FLRT2: variants seen among roughly 807,000 people sequenced by gnomAD.
FLRT2 encodes the protein leucine-rich repeat transmembrane protein FLRT2.
In FLRT2, 15 loss-of-function variants were observed where a neutral mutation model predicts 40.0. The ratio of observed to expected loss-of-function variants is 0.38; its 90% CI spans 0.25 to 0.58. FLRT2 has a LOEUF of 0.58. Ranked by LOEUF, FLRT2 falls within the 20% of genes least tolerant of loss-of-function variation. The pLI is 0.71. For synonymous variants in FLRT2, 380 were observed against 336.8 expected, an observed-to-expected ratio of 1.13 and a Z score of -1.41; for missense variants, 726 against 840.0, an observed-to-expected ratio of 0.86 and a Z score of 1.68.
At chr14:85,559,839 T>A (rs1793662501) in intron 1 of FLRT2, among the ~76,000 whole-genome samples, 1 of 152,114 alleles carries the variant, frequency 6.6e-6, no homozygotes, top group South Asian at 2.1e-4. Context: ...ATCTCTGATA[T>A]CCGGATCTCC....
In FLRT2 at chr14:85,593,668, A is replaced by T. The variant is rs559146861; in HGVS notation, c.-376-27471A>T. On this transcript the variant is annotated intron_variant, in intron 1 of 1. Transcript: ENST00000330753. Reference sequence around the variant, plus strand: ...CTACTGTTTCTTTTGGCTATTTAGCATTGTTCGTGTGACAGTTACCTGGGC... The same window carrying T: ...CTACTGTTTCTTTTGGCTATTTAGCTTTGTTCGTGTGACAGTTACCTGGGC... 1.7e-4 allele frequency among the ~76,000 whole-genome samples: 26 copies of T among 152,314 alleles called. 1 individual carries two copies. Among genetic ancestry groups the T allele is most frequent in the African/African-American group, 6.0e-4 (25 of 41,584 alleles).
chr14:85,587,437 T>C lies in FLRT2; in HGVS notation c.-376-33702T>C, dbSNP rs79194550. On this transcript the variant is annotated intron_variant, in intron 1 of 1. Coordinates refer to ENST00000330753, the MANE Select transcript of FLRT2 (RefSeq NM_013231.6). ...AGATTTTCCTGATTTGTTTTGTTTG[T>C]GCATTTGATGTATAATCTTGTGGTT... is the stretch of plus-strand genomic sequence containing the variant. Among the ~76,000 whole-genome samples the C allele has an allele frequency of 1.7e-3, 255 of 152,300 alleles. 1 individual carries two copies. The highest frequency in any genetic ancestry group is 5.8e-3 in the African/African-American group (239 of 41,552).
At chr14:85,551,304 T>C (rs1889604474) in intron 1 of FLRT2, among the ~76,000 whole-genome samples, 2 of 152,130 alleles carry the variant, frequency 1.3e-5, no homozygotes, top group Admixed American at 1.3e-4. Context: ...TGTGGGACCA[T>C]TTGATCATAA....
chr14:85,599,342 C>A (rs1892285602), intron 1 of FLRT2, among the ~76,000 whole-genome samples: 1 of 151,316 alleles, frequency 6.6e-6, no homozygotes, highest in African/African-American at 2.4e-5. Flanking sequence ...ATTTTGGCTG[C>A]TGCCTCTGTA....
intron 1 of FLRT2, among the ~76,000 whole-genome samples, chr14:85,602,445 C>T (rs370408780): frequency 1.8e-4 from 28 of 152,302 alleles, no homozygotes; most frequent in African/African-American, 5.1e-4. Flanking sequence ...TATTAAAGCA[C>T]GCTGGAGCTC....
Position 85,627,622 on chromosome 14 carries a change from G to A in FLRT2, c.*4125G>A, listed in dbSNP as rs1893745634. 1 of 166,898 alleles carries A rather than the reference G, an allele frequency of 6.0e-6. No individual in the cohort carries two copies. The highest frequency in any genetic ancestry group is 1.5e-5 in the Non-Finnish European group (1 of 68,088). 10.3% of individuals were successfully genotyped at this position (166,898 alleles called of 1,614,324 possible). A position where few individuals can be genotyped will look rare whatever the true frequency, so the allele number is the denominator to read the frequency against. The stretch of plus-strand genomic sequence containing the variant: ...CACAAACAGGGGCATTTGTAAAGGT[G>A]TCCCTGGAATGTAAGATTTATAATG... On this transcript the variant is annotated 3_prime_UTR_variant, in exon 2 of 2. Coordinates refer to ENST00000330753, the MANE Select transcript of FLRT2 (RefSeq NM_013231.6).
At position 85,653,279 on chromosome 14, in the gene FLRT2, T is replaced by A. The variant is rs989789971; in HGVS notation, c.*29782T>A. 2.0e-5 allele frequency: 3 copies of A among 152,130 alleles called. No individual in the cohort carries two copies. The highest frequency in any genetic ancestry group is 6.6e-5 in the Admixed American group (1 of 15,262). The allele number at this position is 152,130 out of a possible 1,614,324, so 9.4% of individuals were successfully genotyped here. ...CAAAATAGCTTTGCTAGGGAACAGA[T>A]GTAACTTGGAGAAGTACCAATTTTG... On this transcript the variant is annotated 3_prime_UTR_variant, in exon 2 of 2. Transcript: ENST00000330753.
chr14:85,541,901 C>G (rs1387577561), intron 1 of FLRT2, among the ~76,000 whole-genome samples: 1 of 152,178 alleles, frequency 6.6e-6, no homozygotes, highest in Non-Finnish European at 1.5e-5. Flanking sequence ...GACTATGACA[C>G]TGAGCTCAGT....
At position 85,647,935 on chromosome 14, in the gene FLRT2, A is replaced by C. The variant is rs1431300344; in HGVS notation, c.*24438A>C. The C allele has an allele frequency of 6.6e-6, 1 of 152,188 alleles. No individual in the cohort carries two copies. Among genetic ancestry groups the C allele is most frequent in the African/African-American group, 2.4e-5 (1 of 41,448 alleles). 9.4% of individuals were successfully genotyped at this position (152,188 alleles called of 1,614,324 possible). ...ACTGTGATCTTATGGCCAGTTGCAG[A>C]GTAAGAAATTAATAACTACTCCTGT... is the stretch of plus-strand genomic sequence containing the variant. On this transcript the variant is annotated 3_prime_UTR_variant, in exon 2 of 2. Coordinates refer to ENST00000330753, the MANE Select transcript of FLRT2 (RefSeq NM_013231.6).
intron 1 of FLRT2, among the ~76,000 whole-genome samples, chr14:85,620,646 T>A (rs1893340626): frequency 1.3e-5 from 2 of 152,226 alleles, no homozygotes; most frequent in South Asian, 4.1e-4. Flanking sequence ...TCTTTTTAAG[T>A]GACTTTATTA....
At chr14:85,602,768 T>C (rs1205287729) in intron 1 of FLRT2, among the ~76,000 whole-genome samples, 3 of 152,184 alleles carry the variant, frequency 2.0e-5, no homozygotes, top group African/African-American at 7.2e-5. Context: ...CTTTGATGCA[T>C]GTGAATTCTT....
At chr14:85,602,298 C>T (rs1892410923) in intron 1 of FLRT2, among the ~76,000 whole-genome samples, 1 of 152,176 alleles carries the variant, frequency 6.6e-6, no homozygotes, top group Admixed American at 6.5e-5. Flanking sequence ...CTCAAAGTAA[C>T]CATTTTGCTA....
chr14:85,560,649 A>T (rs1474426971), intron 1 of FLRT2, among the ~76,000 whole-genome samples: 1 of 151,898 alleles, frequency 6.6e-6, no homozygotes, highest in East Asian at 1.9e-4. Context: ...ATCACAAAAA[A>T]GGGCTGGCTC....
In FLRT2 at chr14:85,623,109, C is replaced by A; in HGVS notation, c.1595C>A (p.Thr532Lys). Residue 532 changes from threonine to lysine, a missense_variant, in exon 2 of 2, where the codon ACG (threonine) becomes AAG (lysine). Physicochemically the swap from Thr to Lys is moderately conservative, Grantham distance 78. Coordinates refer to ENST00000330753, the MANE Select transcript of FLRT2 (RefSeq NM_013231.6). ...GSNTASSHEQ[T>K]TSHSMGSPFL... is the part of the protein sequence containing the mutation. ...AACACAGCGTCCAGCCATGAGCAGACGACGTCCCACAGCATGGGCTCCCCC... is the reference window on the plus strand; with the variant it reads ...AACACAGCGTCCAGCCATGAGCAGAAGACGTCCCACAGCATGGGCTCCCCC... 6.2e-7 allele frequency: 1 copy of A among 1,611,884 alleles called. No homozygotes were observed.
Position 85,636,390 on chromosome 14 carries a change from GAAAAAA to G in FLRT2, c.*12906_*12911del, listed in dbSNP as rs35764416. 2 of 75,318 alleles carry G rather than the reference GAAAAAA, an allele frequency of 2.7e-5. No homozygotes were observed. The highest frequency in any genetic ancestry group is 4.9e-5 in the Non-Finnish European group (2 of 41,150). The allele number at this position is 75,318 out of a possible 1,614,324, so 4.7% of individuals were successfully genotyped here. A position where few individuals can be genotyped will look rare whatever the true frequency, so the allele number is the denominator to read the frequency against. ...AAAATCAAAGGTGAAGTCACCTGCA[GAAAAAA>G]AAAAAAAAAAAACAAAAAACATTCT... On this transcript the variant is annotated 3_prime_UTR_variant, in exon 2 of 2. Coordinates refer to ENST00000330753, the MANE Select transcript of FLRT2 (RefSeq NM_013231.6).
In FLRT2 at chr14:85,643,350, T is replaced by TC. The variant is rs1894208800; in HGVS notation, c.*19854dup. 1 of 42,770 alleles carries TC rather than the reference T, an allele frequency of 2.3e-5. No homozygotes were observed. Among genetic ancestry groups the TC allele is most frequent in the Admixed American group, 2.4e-4 (1 of 4,202 alleles). The allele number at this position is 42,770 out of a possible 1,614,324, so 2.6% of individuals were successfully genotyped here. On this transcript the variant is annotated 3_prime_UTR_variant, in exon 2 of 2. Transcript: ENST00000330753. ...TTCTTTCTTTCTTTCTTTCTTTCTTTCTTTCTTCCTTCCTTCCTTCCTTCC... is the reference window on the plus strand; with the variant it reads ...TTCTTTCTTTCTTTCTTTCTTTCTTTCCTTTCTTCCTTCCTTCCTTCCTTCC...
rs1595095210 is a variant in FLRT2 at position 85,621,428 on chromosome 14, C to T, written c.-87C>T. On this transcript the variant is annotated 5_prime_UTR_variant, in exon 2 of 2. Coordinates refer to ENST00000330753, the MANE Select transcript of FLRT2 (RefSeq NM_013231.6). ...CTGGAGTTCTGGACTTCAACAGAAC[C>T]CCATCCAGTCATTTTGATTTTGCTG... The T allele has an allele frequency of 7.9e-6, 10 of 1,263,228 alleles. No individual in the cohort carries two copies. Among genetic ancestry groups the T allele is most frequent in the Non-Finnish European group, 8.7e-6 (8 of 922,996 alleles). 78.3% of individuals were successfully genotyped at this position (1,263,228 alleles called of 1,614,324 possible). A position where few individuals can be genotyped will look rare whatever the true frequency, so the allele number is the denominator to read the frequency against.
At chr14:85,538,019 T>G (rs1888772214) in intron 1 of FLRT2, among the ~76,000 whole-genome samples, 2 of 152,170 alleles carry the variant, frequency 1.3e-5, no homozygotes, top group South Asian at 4.1e-4. Flanking sequence ...CAGAAAAAGT[T>G]CTGTAAAACA....
chr14:85,593,331 T>A (rs180706312), intron 1 of FLRT2, among the ~76,000 whole-genome samples: 2 of 152,352 alleles, frequency 1.3e-5, no homozygotes, highest in Non-Finnish European at 2.9e-5. Flanking sequence ...CTTTTGAAAG[T>A]CCATGAAATT....
Sources: allele counts gnomAD v4.1 joint callset (sites outside exome capture counted in the v4.1 genomes callset), GRCh38; gene constraint gnomAD v4.1.1; transcripts MANE v1.5; gene names NCBI Gene and HGNC (gene_info 2026-07-23, HGNC 2026-07-21).